The following SUSD4 variants were observed in gnomAD, a reference collection of about 807,000 sequenced individuals.
SUSD4 encodes the protein sushi domain-containing protein 4.
Under a neutral mutation model 50.5 loss-of-function variants are expected in SUSD4, and 41 were observed. The ratio of observed to expected loss-of-function variants is 0.81; its 90% CI spans 0.63 to 1.05. The LOEUF is 1.05. Among genes scored for constraint, SUSD4 ranks in the 50% least tolerant of loss-of-function variants. SUSD4 has a pLI of 0.00. For missense variants in SUSD4, 580 were observed against 634.7 expected (o/e 0.91, Z 0.93); for synonymous variants, 257 against 257.3 (o/e 1.00, Z 0.01).
intron 5 of SUSD4, among the ~76,000 whole-genome samples, chr1:223,254,798 A>G (rs1447688572): frequency 6.6e-6 from 1 of 152,244 alleles, no homozygotes; most frequent in African/African-American, 2.4e-5. Flanking sequence ...GCAATTACTT[A>G]TTGTAAAAGA....
intron 2 of SUSD4, among the ~76,000 whole-genome samples, chr1:223,331,664 A>G (rs1165718778): frequency 6.6e-6 from 1 of 152,194 alleles, no homozygotes; most frequent in Non-Finnish European, 1.5e-5. Flanking sequence ...AACTTGCCTG[A>G]CAAACTCACA....
At chr1:223,228,577 TG>T (rs1659681871) in intron 6 of SUSD4, among the ~76,000 whole-genome samples, 2 of 152,252 alleles carry the variant, frequency 1.3e-5, no homozygotes, top group South Asian at 4.1e-4. Context: ...CTGAGGCCAG[TG>T]GGGAAGGTGG....
chr1:223,315,095 C>T (rs1666104777), intron 2 of SUSD4, among the ~76,000 whole-genome samples: 1 of 152,348 alleles, frequency 6.6e-6, no homozygotes, highest in South Asian at 2.1e-4. Context: ...TCTGTCATGG[C>T]TGACCCCATC....
chr1:223,269,028 C>A (rs918217857), intron 3 of SUSD4, among the ~76,000 whole-genome samples: 1 of 152,206 alleles, frequency 6.6e-6, no homozygotes, highest in Non-Finnish European at 1.5e-5. Context: ...TACCTGGTTA[C>A]ATACTTTACT....
At chr1:223,311,385 C>T (rs17518349) in intron 2 of SUSD4, among the ~76,000 whole-genome samples, 27,566 of 152,204 alleles carry the variant, frequency 0.18, 3,016 homozygotes, top group Non-Finnish European at 0.25. Context: ...AAAGGAAATG[C>T]TACATATGAT....
chr1:223,312,058 G>C (rs747412601), intron 2 of SUSD4, among the ~76,000 whole-genome samples: 1 of 152,156 alleles, frequency 6.6e-6, no homozygotes, highest in Non-Finnish European at 1.5e-5. Context: ...CAGAAATCAC[G>C]TGCTCCATTT....
intron 2 of SUSD4, among the ~76,000 whole-genome samples, chr1:223,312,224 T>G (rs566319547): frequency 6.6e-6 from 1 of 152,316 alleles, no homozygotes; most frequent in South Asian, 2.1e-4. Context: ...AGTGTCATCA[T>G]TTCAAAGTTC....
chr1:223,265,384 G>A (rs1571920919), intron 4 of SUSD4, among the ~76,000 whole-genome samples: 1 of 152,200 alleles, frequency 6.6e-6, no homozygotes, highest in African/African-American at 2.4e-5. Context: ...TAAAACAGAT[G>A]AGGAATCCCA....
intron 2 of SUSD4, among the ~76,000 whole-genome samples, chr1:223,342,529 T>C (rs1667814623): frequency 6.6e-6 from 1 of 152,058 alleles, no homozygotes; most frequent in Non-Finnish European, 1.5e-5. Context: ...AGTAGTAAAA[T>C]AGTGTGGTTC....
intron 2 of SUSD4, among the ~76,000 whole-genome samples, chr1:223,333,601 T>C (rs1170345910): frequency 6.6e-6 from 1 of 151,600 alleles, no homozygotes; most frequent in African/African-American, 2.4e-5. Flanking sequence ...CTTTAGAAAA[T>C]GGGAAGTAGA....
chr1:223,301,543 T>C (rs1056398299), intron 2 of SUSD4, among the ~76,000 whole-genome samples: 5 of 152,210 alleles, frequency 3.3e-5, no homozygotes, highest in African/African-American at 9.6e-5. Context: ...AGTCCCTTCT[T>C]GACCCACTTA....
At chr1:223,247,717 G>A (rs1047948765) in intron 5 of SUSD4, among the ~76,000 whole-genome samples, 4 of 152,162 alleles carry the variant, frequency 2.6e-5, no homozygotes, top group Non-Finnish European at 5.9e-5. Context: ...AACCCTGGCT[G>A]CACAGAATCA....
intron 3 of SUSD4, among the ~76,000 whole-genome samples, chr1:223,282,307 T>A (rs1261424756): frequency 1.3e-5 from 2 of 152,190 alleles, no homozygotes; most frequent in Non-Finnish European, 2.9e-5. Flanking sequence ...TTGTCCCTGT[T>A]TGCAGATGAC....
At chr1:223,358,500 C>T (rs947723027) in intron 2 of SUSD4, among the ~76,000 whole-genome samples, 3 of 152,292 alleles carry the variant, frequency 2.0e-5, no homozygotes, top group African/African-American at 4.8e-5. Flanking sequence ...AGGCAAGCCT[C>T]GTTGGTCTTT....
intron 2 of SUSD4, among the ~76,000 whole-genome samples, chr1:223,308,723 T>C (rs1254206305): frequency 6.6e-6 from 1 of 152,156 alleles, no homozygotes; most frequent in African/African-American, 2.4e-5. Flanking sequence ...CTCCCACAGC[T>C]CTGAGTGACA....
chr1:223,304,962 T>C (rs1004625867), intron 2 of SUSD4, among the ~76,000 whole-genome samples: 2 of 150,876 alleles, frequency 1.3e-5, no homozygotes, highest in African/African-American at 4.9e-5. Context: ...TCTGAAAATA[T>C]TCAAGCCTAT....
chr1:223,326,272 T>C (rs1473249135), intron 2 of SUSD4, among the ~76,000 whole-genome samples: 10 of 152,164 alleles, frequency 6.6e-5, no homozygotes, highest in Admixed American at 2.0e-4. Context: ...ATTTAGTAAA[T>C]GATGCTGGAA....
At chr1:223,333,823 T>G (rs1462735298) in intron 2 of SUSD4, among the ~76,000 whole-genome samples, 1 of 152,096 alleles carries the variant, frequency 6.6e-6, no homozygotes, top group Non-Finnish European at 1.5e-5. Context: ...GACCACCTCC[T>G]TCCCCACCAC....
intron 2 of SUSD4, among the ~76,000 whole-genome samples, chr1:223,349,543 G>A (rs1197767990): frequency 6.6e-6 from 1 of 152,188 alleles, no homozygotes; most frequent in African/African-American, 2.4e-5. Context: ...TCCATCATCA[G>A]TGCCTGCATG....
Sources: gnomAD v4.1 joint callset for allele counts (sites outside exome capture counted in the v4.1 genomes callset) on GRCh38, gnomAD v4.1.1 for gene constraint, MANE v1.5 for transcripts, NCBI Gene and HGNC (gene_info 2026-07-23, HGNC 2026-07-21) for gene names.